The following HUNK variants were observed in gnomAD, a reference collection of about 807,000 sequenced individuals.
HUNK encodes the protein hormonally up-regulated neu tumor-associated kinase.
In HUNK, 21 loss-of-function variants were observed where a neutral mutation model predicts 61.0. The observed-to-expected ratio is 0.34, with a 90% CI of 0.24 to 0.50. HUNK has a LOEUF of 0.50. Among genes scored for constraint, HUNK ranks in the 20% least tolerant of loss-of-function variants. HUNK has a pLI of 0.98. For synonymous variants in HUNK, 371 were observed against 386.1 expected (o/e 0.96, Z 0.46); for missense variants, 772 against 945.7 (o/e 0.82, Z 2.41).
chr21:31,979,737 A>G (rs34534478), intron 7 of HUNK, among the ~76,000 whole-genome samples: 47,492 of 151,166 alleles, frequency 0.31, 7,570 homozygotes, highest in East Asian at 0.49. Flanking sequence ...GGATGGTCTC[A>G]ATCTCCTGAC....
rs996071915 is a variant in HUNK, at chr21:31,917,051, C to T, written c.262-7417C>T. Among the ~76,000 whole-genome samples the T allele has an allele frequency of 2.6e-5, 4 of 152,026 alleles. 1 individual carries two copies. The South Asian group carries it at 8.3e-4, about 32-fold the overall frequency. On this transcript the variant is annotated intron_variant, in intron 1 of 10. Coordinates refer to ENST00000270112, the MANE Select transcript of HUNK (RefSeq NM_014586.2). ...TAGCTGCTGCTAGTGATTTTTTGGCCTTGGGGGATTTCCATTGCTTTCTTA... is the reference window on the plus strand; with the variant it reads ...TAGCTGCTGCTAGTGATTTTTTGGCTTTGGGGGATTTCCATTGCTTTCTTA...
In HUNK at chr21:31,999,069, A is replaced by G. The variant is rs536402835; in HGVS notation, c.2030A>G (p.Gln677Arg). The G allele has an allele frequency of 6.2e-7, 1 of 1,614,218 alleles. No individual in the cohort carries two copies. Among genetic ancestry groups the G allele is most frequent in the African/African-American group, 1.3e-5 (1 of 75,062 alleles). The stretch of plus-strand genomic sequence containing the variant: ...GGACAGATGTTAAGGAAGCGCCATC[A>G]GAGTCTGCAGCCATCTGCAGATAGG... Reference protein sequence around the residue: ...GIGQMLRKRHQSLQPSADRPL... With the variant: ...GIGQMLRKRHRSLQPSADRPL... The change falls in exon 11 of 11, where the codon CAG becomes CGG. Residue 677 changes from glutamine to arginine, a missense_variant. Gln to Arg is a conservative substitution (Grantham distance 43). Transcript: ENST00000270112.
At chr21:31,918,829 G>C (rs1301930887) in intron 1 of HUNK, among the ~76,000 whole-genome samples, 1 of 152,212 alleles carries the variant, frequency 6.6e-6, no homozygotes, top group African/African-American at 2.4e-5. Flanking sequence ...GACATTTTCA[G>C]GTTCCAGGGA....
intron 6 of HUNK, among the ~76,000 whole-genome samples, chr21:31,971,967 A>G (rs1282208757): frequency 6.6e-6 from 1 of 151,984 alleles, no homozygotes; most frequent in Non-Finnish European, 1.5e-5. Context: ...TAGAGGGACT[A>G]CAGGCATGTG....
At chr21:31,883,779 C>T (rs1040227742) in intron 1 of HUNK, among the ~76,000 whole-genome samples, 1 of 152,152 alleles carries the variant, frequency 6.6e-6, no homozygotes, top group African/African-American at 2.4e-5. Flanking sequence ...ATATTAAGAG[C>T]CACTGCTTTG....
chr21:31,951,010 C>A (rs1303228249), intron 4 of HUNK, among the ~76,000 whole-genome samples: 35 of 151,918 alleles, frequency 2.3e-4, no homozygotes, highest in Non-Finnish European at 4.9e-4. Flanking sequence ...ACAAATAGGG[C>A]CCCCAGGACC....
chr21:31,890,734 A>C (rs563277563), intron 1 of HUNK, among the ~76,000 whole-genome samples: 115 of 152,346 alleles, frequency 7.5e-4, no homozygotes, highest in African/African-American at 2.5e-3. Context: ...GGCTTTTGAC[A>C]TATTGCCACA....
intron 5 of HUNK, among the ~76,000 whole-genome samples, chr21:31,962,011 G>C (rs942325717): frequency 2.6e-5 from 4 of 152,224 alleles, no homozygotes; most frequent in Admixed American, 2.6e-4. Flanking sequence ...ACATTGAAAG[G>C]TTCTGCCCAG....
intron 1 of HUNK, among the ~76,000 whole-genome samples, chr21:31,908,485 G>T (rs535508761): frequency 1.3e-5 from 2 of 152,188 alleles, no homozygotes; most frequent in South Asian, 4.2e-4. Context: ...GTAGGGGAGG[G>T]GCAAGGGGAA....
At chr21:31,959,303 A>G (rs9981719) in intron 5 of HUNK, among the ~76,000 whole-genome samples, 17,704 of 152,084 alleles carry the variant, frequency 0.12, 1,451 homozygotes, top group Non-Finnish European at 0.18. Flanking sequence ...AAAACTCACC[A>G]TCTTATGATG....
chr21:31,916,043 C>CTTTTTTTTT lies in HUNK; in HGVS notation c.262-8408_262-8400dup, dbSNP rs34245381. ...TGCCAGACATTGTACTAAGTGCTTT[C>CTTTTTTTTT]TTTTTTTTTTTTTTTTTTTTTTTTT... On this transcript the variant is annotated intron_variant, in intron 1 of 10. Transcript: ENST00000270112. Among the ~76,000 whole-genome samples, 21 of 81,772 alleles carry CTTTTTTTTT rather than the reference C, an allele frequency of 2.6e-4. 2 individuals carry two copies. The highest frequency in any genetic ancestry group is 2.5e-3 in the East Asian group (6 of 2,408). The allele number at this position is 81,772 out of a possible 152,430, so 53.6% of individuals were successfully genotyped here.
chr21:31,946,243 C>T, intron 4 of HUNK, 72 bp downstream of exon 4: 1 of 1,476,684 alleles, frequency 6.8e-7, no homozygotes, highest in Non-Finnish European at 9.3e-7. Context: ...TGAAATCATG[C>T]CTGAGTATTG....
At chr21:31,947,882 G>A (rs2052820586) in intron 4 of HUNK, among the ~76,000 whole-genome samples, 1 of 152,190 alleles carries the variant, frequency 6.6e-6, no homozygotes, top group South Asian at 2.1e-4. Flanking sequence ...TGAAGGGTGT[G>A]TTGATCCGGA....
At chr21:31,903,353 C>T (rs1375789293) in intron 1 of HUNK, among the ~76,000 whole-genome samples, 2 of 152,042 alleles carry the variant, frequency 1.3e-5, no homozygotes, top group Admixed American at 6.6e-5. Context: ...TTTTATTGAA[C>T]TTGACTATAT....
intron 7 of HUNK, among the ~76,000 whole-genome samples, chr21:31,979,384 T>C (rs1472610063): frequency 6.6e-6 from 1 of 151,888 alleles, no homozygotes; most frequent in African/African-American, 2.4e-5. Context: ...CCCAAAGTGC[T>C]GGGATTACAG....
At chr21:31,953,159 G>GA (rs1201257653) in intron 4 of HUNK, among the ~76,000 whole-genome samples, 1 of 152,070 alleles carries the variant, frequency 6.6e-6, no homozygotes, top group African/African-American at 2.4e-5. Flanking sequence ...AACTCCGGGG[G>GA]AGAGGAATTA....
chr21:31,875,027 C>T (rs2123783541), intron 1 of HUNK, among the ~76,000 whole-genome samples: 2 of 152,302 alleles, frequency 1.3e-5, no homozygotes, highest in Non-Finnish European at 2.9e-5. Context: ...TCAAGACTGC[C>T]CCCAGGCTGG....
intron 8 of HUNK, among the ~76,000 whole-genome samples, chr21:31,988,540 C>T (rs1040369762): frequency 6.6e-6 from 1 of 152,002 alleles, no homozygotes; most frequent in Non-Finnish European, 1.5e-5. Flanking sequence ...TCAGGGCTTA[C>T]GGATGCATCA....
At chr21:31,979,163 C>T (rs112703097) in intron 7 of HUNK, among the ~76,000 whole-genome samples, 3,928 of 145,552 alleles carry the variant, frequency 0.027, 169 homozygotes, top group African/African-American at 0.095. Flanking sequence ...AGTGCAGTGG[C>T]GTGATCTCGG....
Sources: gnomAD v4.1 joint callset for allele counts (sites outside exome capture counted in the v4.1 genomes callset) on GRCh38, gnomAD v4.1.1 for gene constraint, MANE v1.5 for transcripts, NCBI Gene and HGNC (gene_info 2026-07-23, HGNC 2026-07-21) for gene names.